Variants in KIF16B observed in about 807,000 individuals in gnomAD.
The protein encoded by KIF16B is kinesin family member 16B, also known as kinesin-like protein KIF16B.
A neutral mutation model predicts 156.3 loss-of-function variants in KIF16B; 98 were observed. That is an observed-to-expected ratio of 0.63 (90% confidence interval 0.53 to 0.74). The LOEUF (loss-of-function observed/expected upper bound fraction) is 0.74. KIF16B is among the 30% of genes least tolerant of loss of function. KIF16B has a pLI of 0.00. For synonymous variants in KIF16B, 564 were observed against 583.7 expected (o/e 0.97, Z 0.49); for missense variants, 1,421 against 1,606.5 (o/e 0.88, Z 1.97).
At chr20:16,425,157 T>C (rs910071416) in intron 15 of KIF16B, among the ~76,000 whole-genome samples, 3 of 152,090 alleles carry the variant, frequency 2.0e-5, no homozygotes, top group African/African-American at 2.4e-5. Context: ...CCTTGGAGAA[T>C]TGGTTAGTTT....
chr20:16,520,064 G>C (rs2069284462), intron 3 of KIF16B, among the ~76,000 whole-genome samples: 1 of 151,896 alleles, frequency 6.6e-6, no homozygotes, highest in Admixed American at 6.5e-5. Flanking sequence ...CACCACCAGG[G>C]TCCTGGGTTT....
chr20:16,315,326 C>T (rs2063681467), intron 24 of KIF16B, among the ~76,000 whole-genome samples: 1 of 152,118 alleles, frequency 6.6e-6, no homozygotes, highest in Admixed American at 6.5e-5. Flanking sequence ...ATCACAGGAC[C>T]ATGATACTCA....
At chr20:16,403,189 C>T (rs1044052820) in intron 17 of KIF16B, among the ~76,000 whole-genome samples, 2 of 152,182 alleles carry the variant, frequency 1.3e-5, no homozygotes, top group Non-Finnish European at 2.9e-5. Flanking sequence ...GGAGACAAAA[C>T]CAAGCCAGCA....
chr20:16,279,285 G>GAACCA (rs1348751552), intron 25 of KIF16B, among the ~76,000 whole-genome samples: 43 of 152,308 alleles, frequency 2.8e-4, no homozygotes, highest in African/African-American at 1.0e-3. Context: ...CTAGCGCTTG[G>GAACCA]AGTCTCCTGG....
At chr20:16,412,488 G>C (rs901413034) in intron 15 of KIF16B, among the ~76,000 whole-genome samples, 2 of 152,138 alleles carry the variant, frequency 1.3e-5, no homozygotes, top group Admixed American at 1.3e-4. Flanking sequence ...AATTTATAAA[G>C]TAAAGAGATG....
chr20:16,436,529 G>A lies in KIF16B; in HGVS notation c.1303-6547C>T, dbSNP rs541462798. On this transcript the variant is annotated intron_variant, in intron 12 of 25. Coordinates refer to ENST00000354981, the MANE Select transcript of KIF16B (RefSeq NM_024704.5). ...CACTGGCCATCACTACTACTCTTCAGTAACAATAGGAAAATCAATTCTGTT... is the reference window on the plus strand; with the variant it reads ...CACTGGCCATCACTACTACTCTTCAATAACAATAGGAAAATCAATTCTGTT... Among the ~76,000 whole-genome samples, 151 of 152,266 alleles carry A rather than the reference G, an allele frequency of 9.9e-4. 1 individual carries two copies. The highest frequency in any genetic ancestry group is 3.6e-3 in the African/African-American group (149 of 41,564).
intron 24 of KIF16B, among the ~76,000 whole-genome samples, chr20:16,316,360 A>G (rs959175354): frequency 7.9e-5 from 12 of 152,240 alleles, no homozygotes; most frequent in African/African-American, 2.9e-4. Context: ...AGTATCTTAT[A>G]TTTTAAAATA....
At chr20:16,561,266 C>T (rs556274693) in intron 1 of KIF16B, among the ~76,000 whole-genome samples, 2 of 152,206 alleles carry the variant, frequency 1.3e-5, no homozygotes, top group East Asian at 3.9e-4. Context: ...TGCACTCCAG[C>T]CTGGGCCACA....
At chr20:16,566,663 A>G (rs546276762) in intron 1 of KIF16B, among the ~76,000 whole-genome samples, 6 of 152,362 alleles carry the variant, frequency 3.9e-5, no homozygotes, top group Non-Finnish European at 8.8e-5. Flanking sequence ...GACATGTTCA[A>G]TAAAGTGCCA....
intron 12 of KIF16B, among the ~76,000 whole-genome samples, chr20:16,447,390 G>A (rs1262677529): frequency 3.3e-5 from 5 of 151,910 alleles, no homozygotes; most frequent in Admixed American, 6.6e-5. Flanking sequence ...ATCGTGGGGC[G>A]TGGGGTAAAG....
chr20:16,505,373 C>T (rs1344864130), intron 9 of KIF16B, among the ~76,000 whole-genome samples: 2 of 151,914 alleles, frequency 1.3e-5, no homozygotes, highest in Non-Finnish European at 2.9e-5. Flanking sequence ...TCCGCATTTA[C>T]TGCCTTAAAT....
At chr20:16,350,735 C>T (rs918868673) in intron 23 of KIF16B, among the ~76,000 whole-genome samples, 3 of 140,068 alleles carry the variant, frequency 2.1e-5, no homozygotes, top group East Asian at 4.8e-4. Context: ...TGGGTGGGGG[C>T]GGGGGGGAAG....
chr20:16,339,637 A>G (rs7274075), intron 23 of KIF16B, among the ~76,000 whole-genome samples: 71,775 of 151,990 alleles, frequency 0.47, 17,884 homozygotes, highest in East Asian at 0.94. Flanking sequence ...AATCTCATTC[A>G]AACCTGCTCC....
chr20:16,273,561 C>T, intron 25 of KIF16B, 150 bp from the exon 26 acceptor site: 2 of 636,852 alleles, frequency 3.1e-6, no homozygotes, highest in Non-Finnish European at 5.4e-6. Context: ...CAGGGTGGTG[C>T]ACTGAGGCAG....
At position 16,573,399 on chromosome 20, in the gene KIF16B, G is replaced by C. The variant is rs1361467083; in HGVS notation, c.-124C>G. On this transcript the variant is annotated 5_prime_UTR_variant, in exon 1 of 26. Transcript: ENST00000354981. Reference sequence around the variant, plus strand: ...CTCTCGCCCCCGCCCCTCTGCTCCCGGCCGGACCTGGAGTTCCGCGGCAGC... The same window carrying C: ...CTCTCGCCCCCGCCCCTCTGCTCCCCGCCGGACCTGGAGTTCCGCGGCAGC... 1.8e-6 allele frequency: 2 copies of C among 1,088,052 alleles called. No individual in the cohort carries two copies. Among genetic ancestry groups the C allele is most frequent in the Non-Finnish European group, 1.3e-6 (1 of 753,488 alleles). The allele number at this position is 1,088,052 out of a possible 1,614,324, so 67.4% of individuals were successfully genotyped here. A position where few individuals can be genotyped will look rare whatever the true frequency, so the allele number is the denominator to read the frequency against.
intron 15 of KIF16B, among the ~76,000 whole-genome samples, chr20:16,416,219 T>G (rs536165630): frequency 1.3e-5 from 2 of 152,334 alleles, no homozygotes; most frequent in South Asian, 4.1e-4. Context: ...TTTAATTAGA[T>G]CTCACTTGTC....
chr20:16,462,759 A>T (rs1365553585), intron 12 of KIF16B, among the ~76,000 whole-genome samples: 1 of 152,204 alleles, frequency 6.6e-6, no homozygotes, highest in Non-Finnish European at 1.5e-5. Flanking sequence ...GCCTAAAAAA[A>T]TCGAGCTGCA....
intron 12 of KIF16B, among the ~76,000 whole-genome samples, chr20:16,470,971 C>A (rs1009059024): frequency 6.6e-6 from 1 of 151,936 alleles, no homozygotes; most frequent in African/African-American, 2.4e-5. Flanking sequence ...CTCAGATCCA[C>A]CAGTGAGACA....
chr20:16,392,062 C>T (rs917555367), intron 17 of KIF16B, among the ~76,000 whole-genome samples: 1 of 152,182 alleles, frequency 6.6e-6, no homozygotes, highest in African/African-American at 2.4e-5. Flanking sequence ...TGCATGCTCT[C>T]ATGTTTACAA....
Sources: gnomAD v4.1 joint callset for allele counts (sites outside exome capture counted in the v4.1 genomes callset) on GRCh38, gnomAD v4.1.1 for gene constraint, MANE v1.5 for transcripts, NCBI Gene and HGNC (gene_info 2026-07-23, HGNC 2026-07-21) for gene names.